The following RBM26 variants were observed in gnomAD, a reference collection of about 807,000 sequenced individuals.
RBM26 encodes RNA binding motif protein 26, also known as RNA-binding protein 26.
RBM26 carries 30 observed loss-of-function variants against 123.6 expected under a neutral mutation model. The ratio of observed to expected loss-of-function variants is 0.24; its 90% confidence interval spans 0.18 to 0.33. The LOEUF (loss-of-function observed/expected upper bound fraction) is 0.33, where lower values mean the gene tolerates loss of function less well. Ranked by LOEUF, RBM26 falls within the 10% of genes least tolerant of loss-of-function variation. The probability of loss-of-function intolerance (pLI) is 1.00; values close to 1 mark genes in which losing one functional copy is unlikely to be tolerated. For missense variants in RBM26, 947 were observed against 1,203.6 expected, an observed-to-expected ratio of 0.79 and a Z score of 3.15; for synonymous variants, 400 against 404.4, an observed-to-expected ratio of 0.99 and a Z score of 0.13.
chr13:79,352,668 T>C (rs1403124547), intron 14 of RBM26, among the ~76,000 whole-genome samples: 2 of 152,170 alleles, frequency 1.3e-5, no homozygotes, highest in Non-Finnish European at 2.9e-5. Context: ...TGTAAATAAA[T>C]GATTTTATTT....
At chr13:79,363,969 A>G (rs9545085) in intron 9 of RBM26, among the ~76,000 whole-genome samples, 76,736 of 151,938 alleles carry the variant, frequency 0.51, 19,784 homozygotes, top group Middle Eastern at 0.6. Context: ...TACATGCTAA[A>G]TAGTTATCCA....
intron 1 of RBM26, chr13:79,389,554 T>C (rs2077764416): frequency 6.6e-6 from 1 of 152,210 alleles, no homozygotes; most frequent in Middle Eastern, 3.2e-3. Context: ...CTCTCATCCA[T>C]GTACTAACCA....
intron 14 of RBM26, among the ~76,000 whole-genome samples, chr13:79,350,576 C>T (rs1045780452): frequency 2.0e-5 from 3 of 152,036 alleles, no homozygotes; most frequent in African/African-American, 4.8e-5. Flanking sequence ...AGCCTCCTCA[C>T]GAAAATGGGG....
At chr13:79,342,988 G>A (rs762311284) in intron 16 of RBM26, among the ~76,000 whole-genome samples, 157 bp from the exon 17 acceptor site, 9 of 122,550 alleles carry the variant, frequency 7.3e-5, no homozygotes, top group Non-Finnish European at 1.5e-4. Flanking sequence ...AAAGATCGCA[G>A]AATAGCAGAT....
At chr13:79,349,889 G>A (rs1185522373) in intron 14 of RBM26, among the ~76,000 whole-genome samples, 1 of 151,926 alleles carries the variant, frequency 6.6e-6, no homozygotes, top group Non-Finnish European at 1.5e-5. Flanking sequence ...GAAGAGACAG[G>A]GTTTCACTGT....
chr13:79,319,373 A>G lies in RBM26; in HGVS notation c.*1248T>C. Reference sequence around the variant, plus strand: ...GTAATCTCCCACCCCCATTCTACAAAGAATGCATTTATTTCCTGGAAACTG... The same window carrying G: ...GTAATCTCCCACCCCCATTCTACAAGGAATGCATTTATTTCCTGGAAACTG... On this transcript the variant is annotated 3_prime_UTR_variant, in exon 22 of 22. Coordinates refer to ENST00000438737, the MANE Select transcript of RBM26 (RefSeq NM_001366735.2). 3 of 984,450 alleles carry G rather than the reference A, an allele frequency of 3.0e-6. No homozygotes were observed. The highest frequency in any genetic ancestry group is 2.4e-6 in the Non-Finnish European group (2 of 829,216). 61.0% of individuals were successfully genotyped at this position (984,450 alleles called of 1,614,324 possible). A position where few individuals can be genotyped will look rare whatever the true frequency, so the allele number is the denominator to read the frequency against.
At chr13:79,404,353 C>T (rs1195968428) in intron 1 of RBM26, among the ~76,000 whole-genome samples, 1 of 152,208 alleles carries the variant, frequency 6.6e-6, no homozygotes, top group Non-Finnish European at 1.5e-5. Flanking sequence ...TCTCCACCAT[C>T]ACTCTAATGC....
At chr13:79,379,040 C>T (rs2076867717) in intron 1 of RBM26, 133 bp from the exon 2 acceptor site, 1 of 617,180 alleles carries the variant, frequency 1.6e-6, no homozygotes, top group Admixed American at 3.1e-5. Context: ...TCACAGAGGA[C>T]CTTGAAGAAA....
chr13:79,380,301 A>C (rs1249167804), intron 1 of RBM26, among the ~76,000 whole-genome samples: 3 of 152,150 alleles, frequency 2.0e-5, no homozygotes, highest in African/African-American at 7.2e-5. Flanking sequence ...ACCCCTAAAG[A>C]AATCTTCATA....
At chr13:79,357,209 C>T (rs184907190) in intron 11 of RBM26, among the ~76,000 whole-genome samples, 2 of 152,158 alleles carry the variant, frequency 1.3e-5, no homozygotes, top group East Asian at 3.9e-4. Context: ...CTCTGTTGCC[C>T]TACCTGAATC....
In RBM26 at chr13:79,368,964, C is replaced by G. The variant is rs1307360777; in HGVS notation, c.661G>C (p.Asp221His). Residue 221 changes from aspartate to histidine, a missense_variant, in exon 6 of 22, where the codon GAC (aspartate) becomes CAC (histidine). By Grantham distance (81) the Asp-to-His change is moderately conservative. This residue lies in a region of RBM26 where 275 missense variants were observed against 361.0 expected (regional missense o/e 0.76). Coordinates refer to ENST00000438737, the MANE Select transcript of RBM26 (RefSeq NM_001366735.2). Reference protein sequence around the residue: ...RERDLVKPKYDLDRTDPLENN... With the variant: ...RERDLVKPKYHLDRTDPLENN... ...TCTAATGGATCTGTTCTATCCAGGT[C>G]ATATTTAGGTTTTACCAGATCCCTT... The G allele has an allele frequency of 6.2e-7, 1 of 1,608,526 alleles. No homozygotes were observed. The highest frequency in any genetic ancestry group is 8.5e-7 in the Non-Finnish European group (1 of 1,176,392).
chr13:79,367,368 T>C (rs181481339), intron 6 of RBM26, among the ~76,000 whole-genome samples: 2 of 136,244 alleles, frequency 1.5e-5, no homozygotes, highest in East Asian at 4.4e-4. Context: ...GACTGTGTCA[T>C]TGCACTCCAG....
Position 79,359,657 on chromosome 13 carries a change from T to C in RBM26, c.1447A>G (p.Ile483Val), listed in dbSNP as rs760419373. 3.2e-6 allele frequency: 5 copies of C among 1,584,844 alleles called. No individual in the cohort carries two copies. The South Asian group carries it at 3.5e-5, about 11-fold the overall frequency. The change falls in exon 10 of 22, where the codon ATA becomes GTA. Residue 483 changes from isoleucine to valine, a missense_variant. Around this residue, in one of 5 missense-constraint regions of RBM26, gnomAD observed 493 missense variants for 563.1 expected, o/e 0.88. Transcript: ENST00000438737. ...TTCCTTGATTCTGAGTCCACTACTATCCTCATACTGCTTTTATTGGGAGGC... is the reference window on the plus strand; with the variant it reads ...TTCCTTGATTCTGAGTCCACTACTACCCTCATACTGCTTTTATTGGGAGGC... ...EKPPNKSSMR[I>V]VVDSESRKRT... is the part of the protein sequence containing the mutation.
chr13:79,372,512 A>C (rs577128704), intron 3 of RBM26, among the ~76,000 whole-genome samples: 74 of 151,498 alleles, frequency 4.9e-4, no homozygotes, highest in African/African-American at 1.7e-3. Context: ...AAACATTTTA[A>C]GCAAGTATGC....
At chr13:79,379,344 G>C (rs987805016) in intron 1 of RBM26, among the ~76,000 whole-genome samples, 6 of 143,890 alleles carry the variant, frequency 4.2e-5, no homozygotes, top group African/African-American at 1.3e-4. Flanking sequence ...GACCAGTCTG[G>C]GCAAAATGGC....
chr13:79,353,860 C>T (rs200404236), intron 13 of RBM26, among the ~76,000 whole-genome samples: 9 of 151,990 alleles, frequency 5.9e-5, no homozygotes, highest in African/African-American at 1.9e-4. Context: ...AATGTAGAAA[C>T]AAGAAACTGC....
intron 3 of RBM26, among the ~76,000 whole-genome samples, chr13:79,373,421 TAAAATATAA>T (rs2076252866): frequency 9.5e-5 from 1 of 10,578 alleles, no homozygotes; most frequent in South Asian, 1.9e-3. Flanking sequence ...TATATATAAA[TAAAATATAA>T]ATATATATTA....
At position 79,371,993 on chromosome 13, in the gene RBM26, A is replaced by T. The variant is rs967001884; in HGVS notation, c.328-63T>A. The T allele has an allele frequency of 7.6e-6, 9 of 1,178,924 alleles. No individual in the cohort carries two copies. In the African/African-American group the frequency reaches 1.4e-4, roughly 18 times the overall value. 73.0% of individuals were successfully genotyped at this position (1,178,924 alleles called of 1,614,324 possible). A position where few individuals can be genotyped will look rare whatever the true frequency, so the allele number is the denominator to read the frequency against. ...AATTATTCCACTGTTAAATAGCCTT[A>T]GATAGGGCTGGGCACAGTGGTTCAT... On this transcript the variant is annotated intron_variant, in intron 3 of 21. Transcript: ENST00000438737.
chr13:79,377,601 G>T, intron 2 of RBM26, 86 bp from the exon 3 acceptor site: 2 of 1,044,586 alleles, frequency 1.9e-6, no homozygotes, highest in Non-Finnish European at 2.8e-6. Context: ...CTAATATGAT[G>T]AAACATACCT....
Sources: allele counts gnomAD v4.1 joint callset (sites outside exome capture counted in the v4.1 genomes callset), GRCh38; gene constraint gnomAD v4.1.1; regional missense constraint gnomAD v4.1.1; transcripts MANE v1.5; gene names NCBI Gene and HGNC (gene_info 2026-07-23, HGNC 2026-07-21).